Variants in FHIT observed in about 807,000 individuals in gnomAD.
FHIT encodes the protein bis(5'-adenosyl)-triphosphatase.
FHIT carries 19 observed loss-of-function variants against 17.9 expected under a neutral mutation model. The ratio of observed to expected loss-of-function variants is 1.06; its 90% CI spans 0.74 to 1.56. FHIT has a LOEUF of 1.56. FHIT is among the 40% of genes most tolerant of loss of function. FHIT has a pLI of 0.00. For missense variants in FHIT, 248 were observed against 189.2 expected, an observed-to-expected ratio of 1.31 and a Z score of -1.82; for synonymous variants, 81 against 69.7, an observed-to-expected ratio of 1.16 and a Z score of -0.81.
intron 3 of FHIT, among the ~76,000 whole-genome samples, chr3:60,888,085 T>C (rs769686752): frequency 1.3e-5 from 2 of 152,284 alleles, no homozygotes; most frequent in South Asian, 4.1e-4. Context: ...GGGCTTCTGC[T>C]TCCCAGGTTA....
intron 5 of FHIT, among the ~76,000 whole-genome samples, chr3:60,154,793 G>C (rs1339032978): frequency 6.6e-6 from 1 of 152,076 alleles, no homozygotes. Flanking sequence ...TTTGTTTCTT[G>C]CAAACAGTCA....
At chr3:60,884,955 A>G (rs890011661) in intron 3 of FHIT, among the ~76,000 whole-genome samples, 5 of 151,798 alleles carry the variant, frequency 3.3e-5, no homozygotes, top group Non-Finnish European at 7.4e-5. Context: ...AGAATGACAG[A>G]CAAATATTAC....
intron 3 of FHIT, among the ~76,000 whole-genome samples, chr3:60,937,564 T>TC (rs782623696): frequency 2.8e-5 from 1 of 35,196 alleles, no homozygotes; most frequent in Middle Eastern, 0.023. Flanking sequence ...TTTCTTTTCT[T>TC]TTCTTTTTTT....
At chr3:59,777,579 A>T (rs1378813360) in intron 8 of FHIT, among the ~76,000 whole-genome samples, 1 of 152,130 alleles carries the variant, frequency 6.6e-6, no homozygotes, top group Non-Finnish European at 1.5e-5. Flanking sequence ...CCACTATATC[A>T]TCTCTGATAT....
At chr3:60,350,419 T>C (rs1178116660) in intron 5 of FHIT, among the ~76,000 whole-genome samples, 1 of 152,144 alleles carries the variant, frequency 6.6e-6, no homozygotes, top group Non-Finnish European at 1.5e-5. Context: ...ATTTTATATA[T>C]ACATATTAAA....
In FHIT at chr3:61,205,815, T is replaced by C. The variant is rs1217660984; in HGVS notation, c.-212-5150A>G. ...TTTCTTTTGCTGTGCAGAAGTGCTT[T>C]AGTTTAATTAGATCCCATTTGTCAA... is the stretch of plus-strand genomic sequence containing the variant. On this transcript the variant is annotated intron_variant, in intron 1 of 9. Transcript: ENST00000492590. Among the ~76,000 whole-genome samples, 12 of 151,750 alleles carry C rather than the reference T, an allele frequency of 7.9e-5. 1 individual carries two copies. The highest frequency in any genetic ancestry group is 7.9e-4 in the Admixed American group (12 of 15,214).
Position 60,860,202 on chromosome 3 carries a change from T to C in FHIT, c.-110-38191A>G, listed in dbSNP as rs186664272. 1.0e-3 allele frequency among the ~76,000 whole-genome samples: 122 copies of C among 121,520 alleles called. 2 individuals carry two copies. Among genetic ancestry groups the C allele is most frequent in the African/African-American group, 3.3e-3 (102 of 30,874 alleles). The allele number at this position is 121,520 out of a possible 152,430, so 79.7% of individuals were successfully genotyped here. ...TGGTATACATGAGATACATCATATG[T>C]ATATATGGTATACATGAGATACATC... On this transcript the variant is annotated intron_variant, in intron 3 of 9. Transcript: ENST00000492590.
At chr3:59,808,425 G>T (rs1176776379) in intron 8 of FHIT, among the ~76,000 whole-genome samples, 1 of 152,082 alleles carries the variant, frequency 6.6e-6, no homozygotes, top group Non-Finnish European at 1.5e-5. Context: ...AAGCCCCTGG[G>T]ACTATCTCCC....
At chr3:61,049,971 T>C (rs1015475334) in intron 2 of FHIT, among the ~76,000 whole-genome samples, 10 of 151,938 alleles carry the variant, frequency 6.6e-5, no homozygotes, top group African/African-American at 2.2e-4. Flanking sequence ...CTAAGTTCCC[T>C]CCCCCAGTTT....
chr3:60,136,648 TACC>T (rs35899156), intron 5 of FHIT, among the ~76,000 whole-genome samples: 24,124 of 151,902 alleles, frequency 0.16, 3,166 homozygotes, highest in African/African-American at 0.36. Context: ...GATGCTTCCT[TACC>T]TTACCTTACA....
At chr3:60,720,130 T>C (rs1236103340) in intron 4 of FHIT, among the ~76,000 whole-genome samples, 2 of 152,192 alleles carry the variant, frequency 1.3e-5, no homozygotes, top group South Asian at 2.1e-4. Flanking sequence ...TTTCCTCTGC[T>C]CCAGAAGCAC....
At chr3:61,141,293 C>A (rs1328005579) in intron 2 of FHIT, among the ~76,000 whole-genome samples, 1 of 152,064 alleles carries the variant, frequency 6.6e-6, no homozygotes, top group African/African-American at 2.4e-5. Flanking sequence ...TTCCTTCCAC[C>A]TATTGTGGTG....
At chr3:61,208,896 G>A (rs535729707) in intron 1 of FHIT, among the ~76,000 whole-genome samples, 29 of 151,958 alleles carry the variant, frequency 1.9e-4, no homozygotes, top group African/African-American at 6.5e-4. Flanking sequence ...TAGTTGATGT[G>A]GTTTCTTCCT....
intron 8 of FHIT, among the ~76,000 whole-genome samples, chr3:59,875,666 C>G (rs911768719): frequency 1.3e-5 from 2 of 151,626 alleles, no homozygotes; most frequent in African/African-American, 4.8e-5. Flanking sequence ...GAAATTTTAC[C>G]TTTCATCATA....
At chr3:60,176,538 G>C (rs1323235346) in intron 5 of FHIT, among the ~76,000 whole-genome samples, 1 of 152,192 alleles carries the variant, frequency 6.6e-6, no homozygotes, top group Non-Finnish European at 1.5e-5. Context: ...TTAAGGCTGT[G>C]TGATATATAA....
At chr3:59,981,546 G>A (rs759953015) in intron 7 of FHIT, among the ~76,000 whole-genome samples, 1 of 152,162 alleles carries the variant, frequency 6.6e-6, no homozygotes, top group Non-Finnish European at 1.5e-5. Context: ...CACAGTGGCA[G>A]TGCCTGGCCA....
intron 4 of FHIT, among the ~76,000 whole-genome samples, chr3:60,594,753 C>A (rs1484227155): frequency 2.0e-5 from 3 of 152,108 alleles, no homozygotes; most frequent in African/African-American, 7.2e-5. Context: ...TTCTCATTTG[C>A]ATTGCTTTTT....
At chr3:60,185,985 T>A (rs888154950) in intron 5 of FHIT, among the ~76,000 whole-genome samples, 5 of 152,232 alleles carry the variant, frequency 3.3e-5, no homozygotes, top group Non-Finnish European at 5.9e-5. Flanking sequence ...TGATCATTTT[T>A]AAAATTAGCT....
chr3:60,773,290 A>T (rs1174697100), intron 4 of FHIT, among the ~76,000 whole-genome samples: 1 of 152,230 alleles, frequency 6.6e-6, no homozygotes, highest in East Asian at 1.9e-4. Flanking sequence ...TCCCAAGGTC[A>T]AAACCAAGAA....
Sources: allele counts gnomAD v4.1 joint callset (sites outside exome capture counted in the v4.1 genomes callset), GRCh38; gene constraint gnomAD v4.1.1; transcripts MANE v1.5; gene names NCBI Gene and HGNC (gene_info 2026-07-23, HGNC 2026-07-21).